The following MAST4 variants were observed in gnomAD, a reference collection of about 807,000 sequenced individuals.
MAST4 encodes the protein microtubule-associated serine/threonine-protein kinase 4.
MAST4 carries 89 observed loss-of-function variants against 162.7 expected under a neutral mutation model. That is an observed-to-expected ratio of 0.55 (90% CI 0.46 to 0.65). The LOEUF is 0.65. MAST4 is among the 30% of genes least tolerant of loss of function. The pLI, the probability that MAST4 is intolerant of heterozygous loss-of-function variation, is 0.00. For missense variants in MAST4, 3,153 were observed against 3,374.0 expected, an observed-to-expected ratio of 0.93 and a Z score of 1.62; for synonymous variants, 1,479 against 1,361.1, an observed-to-expected ratio of 1.09 and a Z score of -1.91.
At chr5:66,790,997 AAT>A (rs1755373949) in intron 3 of MAST4, among the ~76,000 whole-genome samples, 1 of 152,158 alleles carries the variant, frequency 6.6e-6, no homozygotes, top group African/African-American at 2.4e-5. Context: ...GTCACAGAAT[AAT>A]ATGTTTTCTT....
At chr5:66,854,338 C>A (rs1759523338) in intron 3 of MAST4, among the ~76,000 whole-genome samples, 1 of 152,122 alleles carries the variant, frequency 6.6e-6, no homozygotes, top group South Asian at 2.1e-4. Flanking sequence ...GGAGTTGTGA[C>A]CAATGACTCC....
Position 67,164,582 on chromosome 5 carries a change from C to A in MAST4, c.5403C>A (p.Ile1801=), listed in dbSNP as rs369084293. Residue 1801 remains isoleucine, a synonymous_variant, in exon 29 of 29, where the codon ATC becomes ATA. Coordinates refer to ENST00000403625, the MANE Select transcript of MAST4 (RefSeq NM_001164664.2). This position sits in a 1 kb window ranked among gnomAD's most constrained non-coding sequence, Gnocchi z 5.3. The stretch of plus-strand genomic sequence containing the variant: ...GGTCTGTCTCATGCCTGAAGCCGAT[C>A]GAGGGCACTCTGGACATTGCTCTCC... The part of the protein sequence containing the change: ...EGRSVSCLKP[I]EGTLDIALLS... 1 of 1,613,996 alleles carries A rather than the reference C, an allele frequency of 6.2e-7. No individual in the cohort carries two copies. The highest frequency in any genetic ancestry group is 1.1e-5 in the South Asian group (1 of 91,088).
At chr5:66,871,468 T>C (rs1032289777) in intron 3 of MAST4, among the ~76,000 whole-genome samples, 1 of 152,220 alleles carries the variant, frequency 6.6e-6, no homozygotes, top group Non-Finnish European at 1.5e-5. Context: ...CTTAAGCCAA[T>C]TGGTCATGCC....
intron 1 of MAST4, among the ~76,000 whole-genome samples, chr5:66,686,569 T>C (rs1748673181): frequency 6.6e-6 from 1 of 152,228 alleles, no homozygotes; most frequent in African/African-American, 2.4e-5. Context: ...TTAACTCTGC[T>C]GTCAGGATGG....
chr5:66,687,039 C>G (rs1748703602), intron 1 of MAST4, among the ~76,000 whole-genome samples: 2 of 151,948 alleles, frequency 1.3e-5, no homozygotes, highest in Non-Finnish European at 2.9e-5. Context: ...CTAATTTCAA[C>G]TAGTTGTTTG....
At chr5:66,738,604 C>T (rs373835102) in intron 1 of MAST4, among the ~76,000 whole-genome samples, 5 of 152,128 alleles carry the variant, frequency 3.3e-5, no homozygotes, top group African/African-American at 9.7e-5. Context: ...GTGCTAGGTA[C>T]GGCGGAGGAG....
chr5:66,686,414 C>T (rs1307196705), intron 1 of MAST4, among the ~76,000 whole-genome samples: 1 of 152,096 alleles, frequency 6.6e-6, no homozygotes, highest in Admixed American at 6.6e-5. Flanking sequence ...AGTAAGCAAA[C>T]TAGAGTCCTA....
Position 67,112,806 on chromosome 5 carries a change from T to C in MAST4, c.1459-1281T>C, listed in dbSNP as rs140538405. Among the ~76,000 whole-genome samples, 13 of 152,196 alleles carry C rather than the reference T, an allele frequency of 8.5e-5. No individual in the cohort carries two copies. In the East Asian group the frequency reaches 1.4e-3, roughly 16 times the overall value. ...GCATGTTTGATGACATCATTGGCCATTGGTGATCCACTTAACCTTCAGCCC... is the reference window on the plus strand; with the variant it reads ...GCATGTTTGATGACATCATTGGCCACTGGTGATCCACTTAACCTTCAGCCC... On this transcript the variant is annotated intron_variant, in intron 11 of 28. Coordinates refer to ENST00000403625, the MANE Select transcript of MAST4 (RefSeq NM_001164664.2).
rs776557397 is a variant in MAST4, at chr5:67,165,015, C to A, written c.5836C>A (p.His1946Asn). The A allele has an allele frequency of 6.2e-7, 1 of 1,613,428 alleles. No individual in the cohort carries two copies. Among genetic ancestry groups the A allele is most frequent in the Non-Finnish European group, 8.5e-7 (1 of 1,179,632 alleles). Residue 1946 changes from histidine to asparagine, a missense_variant, in exon 29 of 29, where the codon CAC becomes AAC. Transcript: ENST00000403625. The part of the protein sequence containing the change: ...KLLTCLGQNL[H>N]SPDLARPRCP... ...TCTGACCTGCCTGGGGCAGAACCTCCACAGCCCTGACCTGGCCAGGCCACG... is the reference window on the plus strand; with the variant it reads ...TCTGACCTGCCTGGGGCAGAACCTCAACAGCCCTGACCTGGCCAGGCCACG...
At chr5:66,916,725 T>G (rs112693510) in intron 4 of MAST4, among the ~76,000 whole-genome samples, 3 of 152,336 alleles carry the variant, frequency 2.0e-5, no homozygotes, top group African/African-American at 7.2e-5. Flanking sequence ...AACAAGATGT[T>G]AAGCACCCAC....
chr5:66,715,445 C>G (rs1180920132), intron 1 of MAST4, among the ~76,000 whole-genome samples: 2 of 144,830 alleles, frequency 1.4e-5, no homozygotes. Flanking sequence ...ACACTTCTTT[C>G]ATTCCCATCA....
intron 4 of MAST4, among the ~76,000 whole-genome samples, chr5:66,959,981 C>A (rs981128462): frequency 6.6e-6 from 1 of 152,108 alleles, no homozygotes; most frequent in East Asian, 1.9e-4. Flanking sequence ...GAAGTGTCAG[C>A]AAATTTTTAT....
chr5:66,817,785 A>G (rs1756803113), intron 3 of MAST4, among the ~76,000 whole-genome samples: 2 of 152,204 alleles, frequency 1.3e-5, no homozygotes, highest in African/African-American at 4.8e-5. Flanking sequence ...ATTAAGATTA[A>G]TGAATATAAA....
chr5:66,763,856 C>A (rs1183807417), intron 2 of MAST4, among the ~76,000 whole-genome samples: 1 of 152,118 alleles, frequency 6.6e-6, no homozygotes, highest in Non-Finnish European at 1.5e-5. Flanking sequence ...CTGGATGTAA[C>A]CCCACTGTAA....
chr5:66,677,041 T>C (rs908655909), intron 1 of MAST4, among the ~76,000 whole-genome samples: 2 of 152,192 alleles, frequency 1.3e-5, no homozygotes, highest in African/African-American at 4.8e-5. Flanking sequence ...GCCTGCATGA[T>C]CACCTTTCTC....
At chr5:67,023,671 C>T (rs989004832) in intron 4 of MAST4, among the ~76,000 whole-genome samples, 1 of 152,060 alleles carries the variant, frequency 6.6e-6, no homozygotes, top group African/African-American at 2.4e-5. Flanking sequence ...GGCTGTAACT[C>T]TTTTGAGATG....
chr5:66,872,746 C>T (rs545543899), intron 3 of MAST4, among the ~76,000 whole-genome samples: 3 of 152,276 alleles, frequency 2.0e-5, no homozygotes, highest in Admixed American at 6.5e-5. Context: ...ACTCAGAGTA[C>T]GGCGGGGCCT....
intron 3 of MAST4, among the ~76,000 whole-genome samples, chr5:66,821,162 A>G (rs986979842): frequency 3.9e-5 from 6 of 152,230 alleles, no homozygotes; most frequent in Admixed American, 3.9e-4. Flanking sequence ...GTGTATTATC[A>G]GTGGGAAGGT....
chr5:66,624,998 A>ATTT (rs1367384869), intron 1 of MAST4, among the ~76,000 whole-genome samples: 1 of 152,134 alleles, frequency 6.6e-6, no homozygotes, highest in African/African-American at 2.4e-5. Context: ...TAAAACTAAA[A>ATTT]AGCTTCGTCG....
Sources: allele counts gnomAD v4.1 joint callset (sites outside exome capture counted in the v4.1 genomes callset), GRCh38; gene constraint gnomAD v4.1.1; non-coding constraint Gnocchi (gnomAD v3.1); transcripts MANE v1.5; gene names NCBI Gene and HGNC (gene_info 2026-07-23, HGNC 2026-07-21).